ABTB2: variants seen among roughly 807,000 people sequenced by gnomAD.
ABTB2 encodes the protein ankyrin repeat and BTB/POZ domain-containing protein 2.
In ABTB2, 56 loss-of-function variants were observed where a neutral mutation model predicts 104.1. The ratio of observed to expected loss-of-function variants is 0.54; its 90% CI spans 0.43 to 0.67. The LOEUF is 0.67. Ranked by LOEUF, ABTB2 falls within the 30% of genes least tolerant of loss-of-function variation. ABTB2 has a pLI of 0.00. For missense variants in ABTB2, 1,279 were observed against 1,407.7 expected (o/e 0.91, Z 1.46); for synonymous variants, 606 against 608.2 (o/e 1.00, Z 0.05).
chr11:34,263,303 G>T (rs1854210024), intron 1 of ABTB2, among the ~76,000 whole-genome samples: 1 of 152,056 alleles, frequency 6.6e-6, no homozygotes, highest in Non-Finnish European at 1.5e-5. Context: ...TTTAGGTTCT[G>T]GTTAGAAATT....
chr11:34,246,121 T>C (rs1438970863), intron 1 of ABTB2, among the ~76,000 whole-genome samples: 34 of 152,202 alleles, frequency 2.2e-4, no homozygotes, highest in Admixed American at 2.1e-3. Context: ...TCTCATTCCT[T>C]TTCTCTCTTC....
chr11:34,301,709 C>T (rs547976581), intron 1 of ABTB2, among the ~76,000 whole-genome samples: 3 of 152,300 alleles, frequency 2.0e-5, no homozygotes, highest in African/African-American at 2.4e-5. Context: ...ATAGGCCAGA[C>T]GCAGCAGCTC....
At chr11:34,293,696 G>A (rs986504142) in intron 1 of ABTB2, among the ~76,000 whole-genome samples, 3 of 152,122 alleles carry the variant, frequency 2.0e-5, no homozygotes, top group Non-Finnish European at 4.4e-5. Flanking sequence ...AGAGACTGGG[G>A]TAAGGGTAAG....
intron 10 of ABTB2, 81 bp from the exon 11 acceptor site, chr11:34,161,162 A>C: frequency 1.3e-5 from 18 of 1,371,584 alleles, no homozygotes; most frequent in East Asian, 1.1e-4. Context: ...TTCTGGGCAG[A>C]CTCTCTCGGG....
chr11:34,206,686 T>A (rs1853411458), intron 1 of ABTB2, among the ~76,000 whole-genome samples: 1 of 152,186 alleles, frequency 6.6e-6, no homozygotes. Flanking sequence ...CTGAACCCCA[T>A]GTGTTTTTCT....
chr11:34,214,745 A>G (rs1382634966), intron 1 of ABTB2, among the ~76,000 whole-genome samples: 1 of 151,998 alleles, frequency 6.6e-6, no homozygotes, highest in Non-Finnish European at 1.5e-5. Flanking sequence ...AAGAGCCTAG[A>G]ATTTATTTCT....
chr11:34,331,849 A>C (rs570632865), intron 1 of ABTB2, among the ~76,000 whole-genome samples: 1 of 152,356 alleles, frequency 6.6e-6, no homozygotes, highest in East Asian at 1.9e-4. Context: ...CAAAAGTGTT[A>C]AGTAGTTCAG....
At chr11:34,293,774 G>A (rs1854589934) in intron 1 of ABTB2, among the ~76,000 whole-genome samples, 1 of 152,050 alleles carries the variant, frequency 6.6e-6, no homozygotes, top group South Asian at 2.1e-4. Flanking sequence ...GCCCAGGCTG[G>A]AGTGCAATGG....
intron 1 of ABTB2, among the ~76,000 whole-genome samples, chr11:34,347,055 C>T (rs563658100): frequency 6.6e-6 from 1 of 152,356 alleles, no homozygotes; most frequent in South Asian, 2.1e-4. Flanking sequence ...CTCCTCAACT[C>T]TAACCTTGTA....
At chr11:34,191,865 C>T (rs547717558) in intron 3 of ABTB2, among the ~76,000 whole-genome samples, 3 of 152,326 alleles carry the variant, frequency 2.0e-5, no homozygotes, top group South Asian at 2.1e-4. Flanking sequence ...TCCTCCCCAT[C>T]GCCGGTCTCT....
rs761073426 is a variant in ABTB2 at position 34,206,141 on chromosome 11, C to T, written c.884-1451G>A. On this transcript the variant is annotated intron_variant, in intron 1 of 16. Coordinates refer to ENST00000435224, the MANE Select transcript of ABTB2 (RefSeq NM_145804.3). ...TTGGGAGGCTGAGGTGGGTAAATCACTTGAGGTCAGGGGTTTGAGACCAGC... is the reference window on the plus strand; with the variant it reads ...TTGGGAGGCTGAGGTGGGTAAATCATTTGAGGTCAGGGGTTTGAGACCAGC... 1.1e-4 allele frequency among the ~76,000 whole-genome samples: 17 copies of T among 152,184 alleles called. 1 individual carries two copies. The highest frequency in any genetic ancestry group is 2.5e-4 in the Non-Finnish European group (17 of 68,032).
intron 5 of ABTB2, among the ~76,000 whole-genome samples, chr11:34,168,876 G>A (rs1569774): frequency 0.4 from 60,175 of 152,168 alleles, 12,748 homozygotes; most frequent in East Asian, 0.72. Context: ...AGTGCAAACT[G>A]TTTATTCCAC....
At chr11:34,221,256 C>T (rs1430776646) in intron 1 of ABTB2, among the ~76,000 whole-genome samples, 5 of 152,214 alleles carry the variant, frequency 3.3e-5, no homozygotes, top group African/African-American at 1.2e-4. Context: ...TAGGCGTGAG[C>T]CACCACGCCT....
Position 34,356,848 on chromosome 11 carries a change from C to A in ABTB2, c.736G>T (p.Val246Leu). Residue 246 changes from valine to leucine, a missense_variant, in exon 1 of 17, where the codon GTG becomes TTG. By Grantham distance (32) the Val-to-Leu change is conservative. Transcript: ENST00000435224. The surrounding 1 kb of genome is among the most constrained non-coding windows in gnomAD (Gnocchi z 4.6). ...CCATCAGGGCTGTGGCTGGCCATCA[C>A]CCTGGCCCGGATCTCCTCCACCAGG... The part of the protein sequence containing the change: ...ENLVEEIRAR[V>L]MASHSPDGGG... 6.2e-7 allele frequency: 1 copy of A among 1,605,100 alleles called. No homozygotes were observed. Among genetic ancestry groups the A allele is most frequent in the Admixed American group, 1.7e-5 (1 of 58,758 alleles).
chr11:34,234,003 A>T (rs890144482), intron 1 of ABTB2, among the ~76,000 whole-genome samples: 2 of 152,184 alleles, frequency 1.3e-5, no homozygotes, highest in South Asian at 4.1e-4. Context: ...CTCAAATTTG[A>T]ATTGTCAGCT....
chr11:34,297,517 C>T (rs1354329412), intron 1 of ABTB2, among the ~76,000 whole-genome samples: 5 of 152,020 alleles, frequency 3.3e-5, no homozygotes, highest in African/African-American at 7.2e-5. Context: ...GTTGGCTGGG[C>T]GTGGTGACTC....
chr11:34,182,531 A>G (rs1350953372), intron 3 of ABTB2, among the ~76,000 whole-genome samples: 4 of 141,852 alleles, frequency 2.8e-5, no homozygotes, highest in African/African-American at 8.1e-5. Flanking sequence ...TCCTATTAAA[A>G]CTCATCTGGT....
chr11:34,160,696 G>C (rs1852702313), intron 11 of ABTB2, among the ~76,000 whole-genome samples: 1 of 3,012 alleles, frequency 3.3e-4, no homozygotes. Context: ...TGTGTTGAGT[G>C]GGGGGGGGGG....
intron 3 of ABTB2, 141 bp downstream of exon 3, chr11:34,197,184 G>T: frequency 1.1e-6 from 1 of 924,400 alleles, no homozygotes. Context: ...GGAATTCCTG[G>T]GCCACCTCCT....
Sources: gnomAD v4.1 joint callset for allele counts (sites outside exome capture counted in the v4.1 genomes callset) on GRCh38, gnomAD v4.1.1 for gene constraint, Gnocchi (gnomAD v3.1) non-coding constraint, MANE v1.5 for transcripts, NCBI Gene and HGNC (gene_info 2026-07-23, HGNC 2026-07-21) for gene names.